Variants in CCDC57 observed in about 807,000 individuals in gnomAD.
CCDC57 encodes the protein coiled-coil domain containing 57, also known as coiled-coil domain-containing protein 57.
Under a neutral mutation model 118.9 loss-of-function variants are expected in CCDC57, and 118 were observed. That is an observed-to-expected ratio of 0.99 (90% CI 0.86 to 1.16). The LOEUF (loss-of-function observed/expected upper bound fraction) is 1.16, where lower values mean the gene tolerates loss of function less well. CCDC57 is among the 50% of genes most tolerant of loss of function. CCDC57 has a pLI of 0.00. For synonymous variants in CCDC57, 527 were observed against 532.9 expected (o/e 0.99, Z 0.15); for missense variants, 1,300 against 1,320.7 (o/e 0.98, Z 0.24).
At chr17:82,175,201 C>T (rs1438353172) in intron 11 of CCDC57, among the ~76,000 whole-genome samples, 1 of 152,236 alleles carries the variant, frequency 6.6e-6, no homozygotes, top group East Asian at 1.9e-4. Flanking sequence ...CCTGGAGAAA[C>T]AGTCGCATGA....
Position 82,149,414 on chromosome 17 carries a change from G to A in CCDC57, c.2455+2146C>T, listed in dbSNP as rs143466706. Among the ~76,000 whole-genome samples, 545 of 152,086 alleles carry A rather than the reference G, an allele frequency of 3.6e-3. 1 individual carries two copies. The highest frequency in any genetic ancestry group is 5.8e-3 in the Admixed American group (89 of 15,278). The stretch of plus-strand genomic sequence containing the variant: ...TTGCCTTTCTTAGGAAGTCAGCTCC[G>A]GTGTCTGTGTCCAAGATGCCCAGCC... On this transcript the variant is annotated intron_variant, in intron 16 of 19. Coordinates refer to ENST00000665763, the Ensembl canonical transcript of CCDC57.
chr17:82,161,834 T>C (rs903621526), intron 14 of CCDC57, among the ~76,000 whole-genome samples: 2 of 152,112 alleles, frequency 1.3e-5, no homozygotes, highest in Admixed American at 1.3e-4. Flanking sequence ...TTATGCGACA[T>C]TGTGAATGTG....
chr17:82,186,599 G>A (rs1363095418), intron 8 of CCDC57, among the ~76,000 whole-genome samples: 1 of 152,066 alleles, frequency 6.6e-6, no homozygotes, highest in Non-Finnish European at 1.5e-5. Flanking sequence ...TAACTTCCTG[G>A]TACTGTGTAG....
intron 19 of CCDC57, among the ~76,000 whole-genome samples, chr17:82,115,676 G>A (rs1463170706): frequency 6.6e-6 from 1 of 151,964 alleles, no homozygotes; most frequent in Non-Finnish European, 1.5e-5. Context: ...TCAGGAGGAT[G>A]AGGCAGGAGA....
intron 17 of CCDC57, among the ~76,000 whole-genome samples, chr17:82,131,317 G>A (rs1180839074): frequency 6.6e-6 from 1 of 151,994 alleles, no homozygotes; most frequent in Non-Finnish European, 1.5e-5. Context: ...TGTAATCCCA[G>A]CTGCTCAGAA....
At chr17:82,201,330 T>C (rs559655554) in intron 3 of CCDC57, among the ~76,000 whole-genome samples, 2 of 152,388 alleles carry the variant, frequency 1.3e-5, no homozygotes, top group East Asian at 3.9e-4. Flanking sequence ...AGGGCATTCC[T>C]GGATCCATCC....
intron 13 of CCDC57, among the ~76,000 whole-genome samples, chr17:82,164,443 G>A (rs1266497239): frequency 2.6e-5 from 4 of 151,986 alleles, no homozygotes; most frequent in African/African-American, 4.8e-5. Context: ...AAAAGATAAC[G>A]TTAGTATTAG....
chr17:82,208,648 A>G (rs1419468832), intron 1 of CCDC57, among the ~76,000 whole-genome samples: 2 of 151,960 alleles, frequency 1.3e-5, no homozygotes, highest in Non-Finnish European at 2.9e-5. Flanking sequence ...ACTCAATCTC[A>G]GCATCCTGAG....
At chr17:82,104,448 C>T (rs373763956) in intron 19 of CCDC57, among the ~76,000 whole-genome samples, 2 of 152,224 alleles carry the variant, frequency 1.3e-5, no homozygotes, top group South Asian at 2.1e-4. Context: ...AGGCTTAACC[C>T]CTCCCAGGTC....
intron 19 of CCDC57, among the ~76,000 whole-genome samples, chr17:82,103,330 T>TG (rs2034598429): frequency 6.6e-6 from 1 of 152,042 alleles, no homozygotes; most frequent in Non-Finnish European, 1.5e-5. Context: ...GCTGGGGTCC[T>TG]GGGGGGCCCT....
chr17:82,127,781 A>G, exon 19 of CCDC57: 1 of 1,613,006 alleles, frequency 6.2e-7, no homozygotes, highest in African/African-American at 1.3e-5. Context: ...GCCACTGGCA[A>G]AGGAGGAGGA....
intron 15 of CCDC57, among the ~76,000 whole-genome samples, chr17:82,152,972 G>A (rs1033613683): frequency 1.3e-5 from 2 of 152,198 alleles, no homozygotes; most frequent in African/African-American, 2.4e-5. Context: ...CTATGGTGCC[G>A]CAGGCCCCAG....
At position 82,188,263 on chromosome 17, in the gene CCDC57, C is replaced by G. The variant is rs199542605; in HGVS notation, c.1008G>C (p.Trp336Cys). The G allele has an allele frequency of 3.3e-5, 52 of 1,569,420 alleles. 2 individuals carry two copies. The African/African-American group carries it at 6.8e-4, about 20-fold the overall frequency. Residue 336 changes from tryptophan (W) to cysteine (C), a missense_variant, in exon 8 of 20, where the codon TGG becomes TGC. By Grantham distance (215) the Trp-to-Cys change is radical (BLOSUM62 -2). Transcript: ENST00000665763. ...TCTCCTTGGCGGTGTCAGCCTGTCTCCACTCTGCCCTGCGGAGCTGCGCCT... is the reference window on the plus strand; with the variant it reads ...TCTCCTTGGCGGTGTCAGCCTGTCTGCACTCTGCCCTGCGGAGCTGCGCCT...
chr17:82,192,552 T>C lies in CCDC57; in HGVS notation c.851+1204A>G, dbSNP rs2047799846. Among the ~76,000 whole-genome samples the C allele has an allele frequency of 6.6e-6, 1 of 152,228 alleles. No homozygotes were observed. The highest frequency in any genetic ancestry group is 1.5e-5 in the Non-Finnish European group (1 of 68,032). On this transcript the variant is annotated intron_variant, in intron 7 of 19. Coordinates refer to ENST00000665763, the Ensembl canonical transcript of CCDC57. The surrounding 1 kb of genome is among the most constrained non-coding windows in gnomAD (Gnocchi z 4.0). ...AAAACACACGAAGAGAAACAGTGTT[T>C]GTCCAGCTTCATCATGGCCACACGG...
chr17:82,202,701 G>C (rs1233349453), intron 2 of CCDC57, among the ~76,000 whole-genome samples: 1 of 152,164 alleles, frequency 6.6e-6, no homozygotes, highest in Non-Finnish European at 1.5e-5. Flanking sequence ...AGTGAGCAGA[G>C]ATCGCACCAT....
intron 16 of CCDC57, among the ~76,000 whole-genome samples, chr17:82,148,401 G>A (rs190146371): frequency 0.041 from 160 of 3,902 alleles, no homozygotes; most frequent in Non-Finnish European, 0.049. Flanking sequence ...GAATGGGTGG[G>A]TGGATGGATG....
chr17:82,129,184 GCTGGGATCA>G, intron 17 of CCDC57, among the ~76,000 whole-genome samples: 1 of 152,148 alleles, frequency 6.6e-6, no homozygotes, highest in East Asian at 1.9e-4. Context: ...CTCCCAAAGT[GCTGGGATCA>G]CAGGTGTGAG....
chr17:82,125,565 G>A (rs1336617938), intron 19 of CCDC57, among the ~76,000 whole-genome samples: 4 of 150,302 alleles, frequency 2.7e-5, no homozygotes, highest in Admixed American at 6.6e-5. Flanking sequence ...TAGTAGAGAC[G>A]GGGTTTCACC....
intron 9 of CCDC57, among the ~76,000 whole-genome samples, chr17:82,182,158 G>GT (rs978745633): frequency 1.3e-5 from 2 of 151,520 alleles, no homozygotes; most frequent in Non-Finnish European, 2.9e-5. Flanking sequence ...ATCACAGCAT[G>GT]TTTTTTTTCT....
Sources: allele counts gnomAD v4.1 joint callset (sites outside exome capture counted in the v4.1 genomes callset), GRCh38; gene constraint gnomAD v4.1.1; non-coding constraint Gnocchi (gnomAD v3.1); transcripts MANE v1.5; gene names NCBI Gene and HGNC (gene_info 2026-07-23, HGNC 2026-07-21).